The following SIK3 variants were observed in gnomAD, a reference collection of about 807,000 sequenced individuals.
The protein encoded by SIK3 is SIK family kinase 3.
In SIK3, 28 loss-of-function variants were observed where a neutral mutation model predicts 144.2. That is an observed-to-expected ratio of 0.19 (90% CI 0.14 to 0.27). The LOEUF (loss-of-function observed/expected upper bound fraction) is 0.27. Among genes scored for constraint, SIK3 ranks in the 10% least tolerant of loss-of-function variants. The pLI, the probability that SIK3 is intolerant of heterozygous loss-of-function variation, is 1.00. For synonymous variants in SIK3, 686 were observed against 676.3 expected (o/e 1.01, Z -0.22); for missense variants, 1,319 against 1,776.0 (o/e 0.74, Z 4.62).
At chr11:116,932,606 C>A (rs1481718586) in intron 3 of SIK3, among the ~76,000 whole-genome samples, 1 of 152,062 alleles carries the variant, frequency 6.6e-6, no homozygotes, top group African/African-American at 2.4e-5. Flanking sequence ...AAAAAAGATA[C>A]AAAAATATTT....
At chr11:117,018,701 TTTTTA>T (rs1175159289) in intron 1 of SIK3, among the ~76,000 whole-genome samples, 2 of 143,488 alleles carry the variant, frequency 1.4e-5, no homozygotes, top group Non-Finnish European at 3.0e-5. Flanking sequence ...TGTATCATTG[TTTTTA>T]TTTTATTTTA....
intron 1 of SIK3, among the ~76,000 whole-genome samples, chr11:117,043,368 G>A (rs899638967): frequency 3.3e-5 from 5 of 151,968 alleles, no homozygotes; most frequent in Admixed American, 2.0e-4. Context: ...ATAAAAATAA[G>A]GTGGAAGTTC....
chr11:116,884,561 G>A (rs544322990), intron 6 of SIK3, among the ~76,000 whole-genome samples: 7 of 152,042 alleles, frequency 4.6e-5, no homozygotes, highest in South Asian at 2.1e-4. Context: ...GGGTTTCACC[G>A]TGTTAGCCAG....
intron 3 of SIK3, among the ~76,000 whole-genome samples, chr11:116,949,090 A>C (rs1435764619): frequency 6.6e-6 from 1 of 151,742 alleles, no homozygotes; most frequent in Admixed American, 6.6e-5. Context: ...AAAACTCATG[A>C]TATGCAGCCA....
chr11:117,031,861 A>C (rs1209194882), intron 1 of SIK3, among the ~76,000 whole-genome samples: 1 of 151,942 alleles, frequency 6.6e-6, no homozygotes, highest in African/African-American at 2.4e-5. Context: ...TTTTTAAGTG[A>C]TGATCATGTT....
chr11:116,859,790 C>A (rs559960898), intron 19 of SIK3, among the ~76,000 whole-genome samples, 186 bp from the exon 20 acceptor site: 2 of 152,328 alleles, frequency 1.3e-5, no homozygotes, highest in South Asian at 2.1e-4. Context: ...CTATATAATT[C>A]TGTTTCAAAC....
intron 4 of SIK3, among the ~76,000 whole-genome samples, chr11:116,922,907 C>CTTTTTTTTTTTTTTTTT (rs202058609): frequency 9.8e-6 from 1 of 102,174 alleles, no homozygotes; most frequent in Non-Finnish European, 2.0e-5. Flanking sequence ...TTTCTTTTCT[C>CTTTTTTTTTTTTTTTTT]TTTTTTTTTT....
intron 14 of SIK3, chr11:116,869,413 G>C (rs1024137788): frequency 2.6e-5 from 4 of 152,144 alleles, no homozygotes; most frequent in African/African-American, 9.7e-5. Context: ...GCCCCTTTCA[G>C]CTAAAATCAG....
intron 4 of SIK3, among the ~76,000 whole-genome samples, chr11:116,903,815 G>A (rs936276534): frequency 6.6e-6 from 1 of 152,064 alleles, no homozygotes; most frequent in African/African-American, 2.4e-5. Context: ...CAAACTCCTA[G>A]GCTCAAGCGA....
intron 6 of SIK3, among the ~76,000 whole-genome samples, chr11:116,888,625 A>G (rs1944947901): frequency 6.6e-6 from 1 of 152,226 alleles, no homozygotes; most frequent in South Asian, 2.1e-4. Context: ...GTATATTACC[A>G]AGGGCCAGAG....
intron 3 of SIK3, among the ~76,000 whole-genome samples, chr11:116,945,851 C>G (rs1181870448): frequency 6.6e-6 from 1 of 151,980 alleles, no homozygotes; most frequent in Non-Finnish European, 1.5e-5. Flanking sequence ...TTCTTAATTG[C>G]CCTCTCTCTC....
Position 116,858,118 on chromosome 11 carries a change from T to C in SIK3, c.3347A>G (p.Gln1116Arg). The change falls in exon 21 of 25, where the codon CAA becomes CGA. Residue 1116 changes from glutamine to arginine, a missense_variant. Gln to Arg is a conservative substitution (Grantham distance 43). Around this residue, in one of 8 missense-constraint regions of SIK3, gnomAD observed 646 missense variants for 763.7 expected, o/e 0.85. Transcript: ENST00000445177. The surrounding 1 kb of genome is among the most constrained non-coding windows in gnomAD (Gnocchi z 5.4). ...SPQHLLQIRA[Q>R]ECVSQASSPT... ...TGAGGAAGCCTGTGAGACACATTCTTGTGCCCTGATTTGTAGCAGATGCTG... is the reference window on the plus strand; with the variant it reads ...TGAGGAAGCCTGTGAGACACATTCTCGTGCCCTGATTTGTAGCAGATGCTG... 1.9e-6 allele frequency: 3 copies of C among 1,614,198 alleles called. No individual in the cohort carries two copies. Among genetic ancestry groups the C allele is most frequent in the Non-Finnish European group, 2.5e-6 (3 of 1,180,034 alleles).
intron 1 of SIK3, among the ~76,000 whole-genome samples, chr11:117,003,654 G>C (rs767990880): frequency 5.3e-5 from 8 of 152,138 alleles, no homozygotes; most frequent in Non-Finnish European, 1.2e-4. Flanking sequence ...TTTATTCAAT[G>C]CCATGCCAGG....
intron 5 of SIK3, 144 bp downstream of exon 5, chr11:116,897,048 CT>C (rs1945448147): frequency 4.8e-6 from 3 of 631,552 alleles, no homozygotes; most frequent in Non-Finnish European, 2.4e-6. Context: ...AAAAAAAAGG[CT>C]TTGCACAGGA....
At position 117,013,972 on chromosome 11, in the gene SIK3, C is replaced by CT. The variant is rs71037442; in HGVS notation, c.274-56909dup. Among the ~76,000 whole-genome samples the CT allele has an allele frequency of 4.8e-3, 129 of 27,048 alleles. 11 individuals carry two copies. The highest frequency in any genetic ancestry group is 0.011 in the African/African-American group (97 of 9,094). 17.7% of individuals were successfully genotyped at this position (27,048 alleles called of 152,430 possible). A position where few individuals can be genotyped will look rare whatever the true frequency, so the allele number is the denominator to read the frequency against. On this transcript the variant is annotated intron_variant, in intron 1 of 24. Coordinates refer to ENST00000445177, the MANE Select transcript of SIK3 (RefSeq NM_001366686.3). ...TGTGTTTTATTTCTTTTTTTCTTTT[C>CT]TTTTTTTTTTTTTTTTTTTTTTGAG...
chr11:117,087,650 G>A (rs771959612), intron 1 of SIK3, among the ~76,000 whole-genome samples: 17 of 152,336 alleles, frequency 1.1e-4, no homozygotes, highest in Non-Finnish European at 1.6e-4. Flanking sequence ...AAGAGAGCCA[G>A]TGTGGCTTGC....
At position 116,936,837 on chromosome 11, in the gene SIK3, T is replaced by C. The variant is rs149834186; in HGVS notation, c.455-9457A>G. On this transcript the variant is annotated intron_variant, in intron 3 of 24. Transcript: ENST00000445177. ...AAACATAGTTCACCTGCATGTGTAC[T>C]TGCTGTTTCACCAACATGCTGTACA... Among the ~76,000 whole-genome samples the C allele has an allele frequency of 2.9e-3, 446 of 152,344 alleles. 6 individuals are homozygous for C. The highest frequency in any genetic ancestry group is 0.01 in the African/African-American group (425 of 41,578).
At chr11:117,094,977 C>A (rs569034892) in intron 1 of SIK3, among the ~76,000 whole-genome samples, 16 of 152,122 alleles carry the variant, frequency 1.1e-4, no homozygotes, top group Admixed American at 9.2e-4. Flanking sequence ...CTCATGAATG[C>A]CGTGCTGCAA....
At chr11:116,917,028 T>C (rs1946681539) in intron 4 of SIK3, among the ~76,000 whole-genome samples, 2 of 151,738 alleles carry the variant, frequency 1.3e-5, no homozygotes, top group African/African-American at 4.8e-5. Flanking sequence ...AATCATAGCT[T>C]ACTGCAGCTT....
Sources: gnomAD v4.1 joint callset for allele counts (sites outside exome capture counted in the v4.1 genomes callset) on GRCh38, gnomAD v4.1.1 for gene constraint, gnomAD v4.1.1 regional missense constraint, Gnocchi (gnomAD v3.1) non-coding constraint, MANE v1.5 for transcripts, NCBI Gene and HGNC (gene_info 2026-07-23, HGNC 2026-07-21) for gene names.